Variants in VPS13C observed in about 807,000 individuals in gnomAD.
The protein encoded by VPS13C is vacuolar protein sorting 13 homolog C, also known as intermembrane lipid transfer protein VPS13C.
VPS13C carries 358 observed loss-of-function variants against 456.8 expected under a neutral mutation model. The ratio of observed to expected loss-of-function variants is 0.78; its 90% CI spans 0.72 to 0.86. The LOEUF is 0.86. Among genes scored for constraint, VPS13C ranks in the 40% least tolerant of loss-of-function variants. The pLI is 0.00. For synonymous variants in VPS13C, 1,578 were observed against 1,486.7 expected (o/e 1.06, Z -1.41); for missense variants, 4,818 against 4,385.4 (o/e 1.10, Z -2.79).
At chr15:62,049,894 C>G (rs1312269513) in intron 1 of VPS13C, among the ~76,000 whole-genome samples, 2 of 151,842 alleles carry the variant, frequency 1.3e-5, no homozygotes, top group African/African-American at 4.9e-5. Flanking sequence ...CATGATTTGG[C>G]TCTCTGTTTG....
At chr15:61,931,957 G>A (rs1475698037) in intron 49 of VPS13C, among the ~76,000 whole-genome samples, 1 of 152,088 alleles carries the variant, frequency 6.6e-6, no homozygotes, top group African/African-American at 2.4e-5. Context: ...AAAGAGTAAG[G>A]CATGGTAGAT....
At chr15:62,050,104 T>G (rs1250113562) in intron 1 of VPS13C, among the ~76,000 whole-genome samples, 1 of 152,222 alleles carries the variant, frequency 6.6e-6, no homozygotes, top group Non-Finnish European at 1.5e-5. Flanking sequence ...TTCCTTCTCC[T>G]GCCTAATTGC....
At chr15:61,963,016 A>T (rs1017386552) in intron 32 of VPS13C, among the ~76,000 whole-genome samples, 164 bp from the exon 33 acceptor site, 2 of 152,160 alleles carry the variant, frequency 1.3e-5, no homozygotes, top group Non-Finnish European at 2.9e-5. Context: ...GGTTTTATAA[A>T]CACCAAAACC....
At chr15:61,995,125 C>T (rs1178451736) in intron 16 of VPS13C, among the ~76,000 whole-genome samples, 1 of 152,210 alleles carries the variant, frequency 6.6e-6, no homozygotes, top group Non-Finnish European at 1.5e-5. Context: ...CTTCTGCCCA[C>T]ATTATTCTAT....
At chr15:62,004,645 C>T (rs1287620567) in intron 15 of VPS13C, among the ~76,000 whole-genome samples, 1 of 151,756 alleles carries the variant, frequency 6.6e-6, no homozygotes, top group Non-Finnish European at 1.5e-5. Flanking sequence ...CCTGCTTTCT[C>T]TTGTGGGCAT....
chr15:61,925,302 A>G (rs1175965671), intron 53 of VPS13C, among the ~76,000 whole-genome samples, 154 bp downstream of exon 53: 2 of 152,178 alleles, frequency 1.3e-5, no homozygotes, highest in Non-Finnish European at 2.9e-5. Context: ...AAAGAAAAAT[A>G]TACTTTAATG....
At chr15:62,014,628 T>A (rs767363316) in intron 9 of VPS13C, among the ~76,000 whole-genome samples, 20 of 152,142 alleles carry the variant, frequency 1.3e-4, no homozygotes, top group Non-Finnish European at 2.8e-4. Flanking sequence ...ACTATTGCTG[T>A]AGTTGTTATA....
At chr15:61,894,884 T>C (rs1205113141) in intron 66 of VPS13C, among the ~76,000 whole-genome samples, 1 of 152,176 alleles carries the variant, frequency 6.6e-6, no homozygotes, top group Non-Finnish European at 1.5e-5. Flanking sequence ...TTAGACCAAA[T>C]GGACCTAACA....
rs1457209503 is a variant in VPS13C, at chr15:61,910,306, C to A, written c.8716-1G>T. 2.0e-6 allele frequency: 3 copies of A among 1,513,890 alleles called. No individual in the cohort carries two copies. Among genetic ancestry groups the A allele is most frequent in the Admixed American group, 3.8e-5 (2 of 52,140 alleles). 93.8% of individuals were successfully genotyped at this position (1,513,890 alleles called of 1,614,324 possible). Reference sequence around the variant, plus strand: ...AACTTTCTGGCCAAAATGGAAGGCACTAAAAATATAGAAGTTATTATCAGT... The same window carrying A: ...AACTTTCTGGCCAAAATGGAAGGCAATAAAAATATAGAAGTTATTATCAGT... On this transcript the variant is annotated splice_acceptor_variant, in intron 63 of 84. Transcript: ENST00000644861. LOFTEE classifies it high-confidence loss of function.
intron 66 of VPS13C, among the ~76,000 whole-genome samples, chr15:61,896,300 C>A (rs1235396145): frequency 3.3e-5 from 5 of 152,216 alleles, no homozygotes; most frequent in Non-Finnish European, 7.3e-5. Flanking sequence ...GCGTGAGCGA[C>A]ACAGAAGACG....
chr15:61,914,767 G>A (rs2043409387), intron 61 of VPS13C, among the ~76,000 whole-genome samples: 1 of 150,176 alleles, frequency 6.7e-6, no homozygotes, highest in African/African-American at 2.4e-5. Context: ...CACCAGGTTG[G>A]CCAGGCTGGT....
At chr15:61,952,375 C>G (rs2044830772) in intron 38 of VPS13C, among the ~76,000 whole-genome samples, 1 of 152,146 alleles carries the variant, frequency 6.6e-6, no homozygotes. Flanking sequence ...AAAATGTTTT[C>G]AAACAATGCC....
At chr15:62,047,245 G>A (rs975386895) in intron 1 of VPS13C, among the ~76,000 whole-genome samples, 1 of 151,628 alleles carries the variant, frequency 6.6e-6, no homozygotes, top group African/African-American at 2.4e-5. Context: ...CCAACATGGT[G>A]AAACCCCATC....
chr15:61,998,880 G>A (rs2046489432), intron 16 of VPS13C, among the ~76,000 whole-genome samples: 1 of 152,108 alleles, frequency 6.6e-6, no homozygotes, highest in African/African-American at 2.4e-5. Context: ...CCTTTATGGT[G>A]ATCGACTTCT....
Position 61,911,906 on chromosome 15 carries a change from T to C in VPS13C, c.8649A>G (p.Glu2883=), listed in dbSNP as rs755801098. The change falls in exon 63 of 85, where the codon GAA becomes GAG. Residue 2883 remains glutamate (E), a synonymous_variant. Coordinates refer to ENST00000644861, the MANE Select transcript of VPS13C (RefSeq NM_020821.3). ...TIANKSSLEL[E]VGEIASDGSM... is the part of the protein sequence containing the mutation. ...AGCCATCAGATGCAATCTCGCCAAC[T>C]TCTAGTTCTAATGATGACTTGTTTG... 15 of 1,612,894 alleles carry C rather than the reference T, an allele frequency of 9.3e-6. No individual in the cohort carries two copies. Among genetic ancestry groups the C allele is most frequent in the South Asian group, 3.3e-5 (3 of 90,810 alleles).
At chr15:62,023,309 T>A in intron 8 of VPS13C, 102 bp downstream of exon 8, 1 of 682,516 alleles carries the variant, frequency 1.5e-6, no homozygotes, top group Non-Finnish European at 2.2e-6. Context: ...AAAAAATTAA[T>A]CTCGGATTTA....
intron 46 of VPS13C, 124 bp from the exon 47 acceptor site, chr15:61,940,918 T>C (rs1035883811): frequency 4.3e-6 from 4 of 938,488 alleles, no homozygotes; most frequent in Non-Finnish European, 4.6e-6. Context: ...CAGAAGTCTT[T>C]TAGAATACAC....
Position 61,964,792 on chromosome 15 carries a change from T to C in VPS13C, c.3121A>G (p.Thr1041Ala), listed in dbSNP as rs1160154367. 2 of 1,612,396 alleles carry C rather than the reference T, an allele frequency of 1.2e-6. No individual in the cohort carries two copies. The highest frequency in any genetic ancestry group is 1.3e-5 in the African/African-American group (1 of 74,806). The change falls in exon 31 of 85, where the codon ACC (threonine) becomes GCC (alanine). Residue 1041 changes from threonine to alanine, a missense_variant. Physicochemically the swap from Thr to Ala is moderately conservative, Grantham distance 58. This residue lies in a region of VPS13C where 4,552 missense variants were observed against 4,130.6 expected (regional missense o/e 1.10). Transcript: ENST00000644861. ...ALVASINYLT[T>A]IIPSDDQSIS... ...CTTTGATCATCAGATGGAATAATGG[T>C]TGTGAGGTAATTAATAGAAGCGACA...
At chr15:62,052,672 CAAA>C (rs35444089) in intron 1 of VPS13C, among the ~76,000 whole-genome samples, 81 of 70,530 alleles carry the variant, frequency 1.1e-3, no homozygotes, top group African/African-American at 4.3e-3. Flanking sequence ...GACTCCGTCT[CAAA>C]AAAAAAAAAA....
Sources: allele counts gnomAD v4.1 joint callset (sites outside exome capture counted in the v4.1 genomes callset), GRCh38; gene constraint gnomAD v4.1.1; regional missense constraint gnomAD v4.1.1; transcripts MANE v1.5; gene names NCBI Gene and HGNC (gene_info 2026-07-23, HGNC 2026-07-21).